KIAA1549: variants seen among roughly 807,000 people sequenced by gnomAD.
KIAA1549 encodes the protein KIAA1549, also known as UPF0606 protein KIAA1549.
A neutral mutation model predicts 156.4 loss-of-function variants in KIAA1549; 70 were observed. The ratio of observed to expected loss-of-function variants is 0.45; its 90% CI spans 0.37 to 0.55. KIAA1549 has a LOEUF of 0.55. Ranked by LOEUF, KIAA1549 falls within the 20% of genes least tolerant of loss-of-function variation. The pLI is 0.00. For synonymous variants in KIAA1549, 1,103 were observed against 1,066.4 expected, an observed-to-expected ratio of 1.03 and a Z score of -0.67; for missense variants, 2,428 against 2,540.9, an observed-to-expected ratio of 0.96 and a Z score of 0.96.
chr7:138,919,254 G>A lies in KIAA1549; in HGVS notation c.372C>T (p.Asn124=). The A allele has an allele frequency of 6.2e-7, 1 of 1,613,982 alleles. No homozygotes were observed. Residue 124 remains asparagine (N), a synonymous_variant, in exon 2 of 20, where the codon AAC becomes AAT. Transcript: ENST00000422774. The stretch of plus-strand genomic sequence containing the variant: ...CTGTACTTTTGGTCTGTTTTCCTTG[G>A]TTAAAAAAGGCTGTATCAAAAGTAG... ...SATTFDTAFF[N]QGKQTKSTAD...
chr7:138,847,746 T>C (rs1408420547), intron 17 of KIAA1549, among the ~76,000 whole-genome samples: 2 of 152,234 alleles, frequency 1.3e-5, no homozygotes, highest in African/African-American at 2.4e-5. Flanking sequence ...AGATAAATTT[T>C]AGAATCCATC....
In KIAA1549 at chr7:138,925,829, CAAAAAAAA is replaced by C. The variant is rs59066216; in HGVS notation, c.188-6399_188-6392del. On this transcript the variant is annotated intron_variant, in intron 1 of 19. Transcript: ENST00000422774. Reference sequence around the variant, plus strand: ...TGGGCAACAGAGCCAGATCCTGTCTCAAAAAAAAAAAAAAAAAAAAAAAAAAAAAAAGA... The same window carrying C: ...TGGGCAACAGAGCCAGATCCTGTCTCAAAAAAAAAAAAAAAAAAAAAAAGA... 2.0e-3 allele frequency among the ~76,000 whole-genome samples: 90 copies of C among 44,614 alleles called. 1 individual carries two copies. Among genetic ancestry groups the C allele is most frequent in the Admixed American group, 4.6e-3 (14 of 3,058 alleles). 29.3% of individuals were successfully genotyped at this position (44,614 alleles called of 152,430 possible). A position where few individuals can be genotyped will look rare whatever the true frequency, so the allele number is the denominator to read the frequency against.
Position 138,833,151 on chromosome 7 carries a change from G to A in KIAA1549, c.*4755C>T. 4.3e-6 allele frequency: 1 copy of A among 232,502 alleles called. No homozygotes were observed. Among genetic ancestry groups the A allele is most frequent in the East Asian group, 6.1e-5 (1 of 16,484 alleles). 14.4% of individuals were successfully genotyped at this position (232,502 alleles called of 1,614,324 possible). ...GGCACCTTGCTCCGGAGGTAGAAATGACCACGGTGAAAACTCCACTTGAGC... is the reference window on the plus strand; with the variant it reads ...GGCACCTTGCTCCGGAGGTAGAAATAACCACGGTGAAAACTCCACTTGAGC... On this transcript the variant is annotated 3_prime_UTR_variant, in exon 20 of 20. Coordinates refer to ENST00000422774, the MANE Select transcript of KIAA1549 (RefSeq NM_001164665.2).
chr7:138,972,959 T>C (rs1814263163), intron 1 of KIAA1549, among the ~76,000 whole-genome samples: 1 of 152,070 alleles, frequency 6.6e-6, no homozygotes, highest in African/African-American at 2.4e-5. Context: ...ATAGCTAGGA[T>C]TGCAGGCACC....
intron 1 of KIAA1549, among the ~76,000 whole-genome samples, chr7:138,972,196 T>C (rs1054074742): frequency 6.6e-6 from 1 of 152,084 alleles, no homozygotes; most frequent in African/African-American, 2.4e-5. Flanking sequence ...TCTTCCTCTC[T>C]CCAGGCAAGT....
At chr7:138,838,380 G>A (rs1056999456) in intron 19 of KIAA1549, among the ~76,000 whole-genome samples, 2 of 152,164 alleles carry the variant, frequency 1.3e-5, no homozygotes, top group Non-Finnish European at 2.9e-5. Flanking sequence ...TGATGTGAAA[G>A]GTCGGGTGAT....
chr7:138,839,411 G>T (rs1809841804), intron 19 of KIAA1549, among the ~76,000 whole-genome samples: 1 of 152,146 alleles, frequency 6.6e-6, no homozygotes, highest in African/African-American at 2.4e-5. Context: ...GTCTCAAAAA[G>T]AAAACCTGTG....
intron 15 of KIAA1549, among the ~76,000 whole-genome samples, chr7:138,862,956 A>G (rs1810631429): frequency 6.6e-6 from 1 of 152,214 alleles, no homozygotes; most frequent in Non-Finnish European, 1.5e-5. Context: ...AAAAACGCAA[A>G]GGTTCAAATT....
rs922951427 is a variant in KIAA1549 at position 138,835,805 on chromosome 7, G to C, written c.*2101C>G. 1 of 221,798 alleles carries C rather than the reference G, an allele frequency of 4.5e-6. No individual in the cohort carries two copies. The highest frequency in any genetic ancestry group is 9.0e-6 in the Non-Finnish European group (1 of 110,956). The allele number at this position is 221,798 out of a possible 1,614,324, so 13.7% of individuals were successfully genotyped here. A position where few individuals can be genotyped will look rare whatever the true frequency, so the allele number is the denominator to read the frequency against. On this transcript the variant is annotated 3_prime_UTR_variant, in exon 20 of 20. Transcript: ENST00000422774. ...AAACCAAGACATCAAGCCCAGAAAG[G>C]GGCATTCTCTCCAATGCTCCTTGGA...
At chr7:138,896,538 A>C (rs1172231371) in intron 9 of KIAA1549, among the ~76,000 whole-genome samples, 1 of 152,028 alleles carries the variant, frequency 6.6e-6, no homozygotes, top group Non-Finnish European at 1.5e-5. Flanking sequence ...GGACAGAATC[A>C]AACTGAGAAG....
At chr7:138,872,117 T>G (rs112056022) in intron 12 of KIAA1549, among the ~76,000 whole-genome samples, 5 of 152,198 alleles carry the variant, frequency 3.3e-5, no homozygotes, top group Non-Finnish European at 7.3e-5. Flanking sequence ...ACTTTTGTAT[T>G]AATACTTTTA....
Position 138,917,489 on chromosome 7 carries a change from G to T in KIAA1549, c.2137C>A (p.Arg713Ser), listed in dbSNP as rs766782097. 1 of 1,613,554 alleles carries T rather than the reference G, an allele frequency of 6.2e-7. No individual in the cohort carries two copies. Among genetic ancestry groups the T allele is most frequent in the Non-Finnish European group, 8.5e-7 (1 of 1,179,828 alleles). The change falls in exon 2 of 20, where the codon CGT (arginine) becomes AGT (serine). Residue 713 changes from arginine (R) to serine (S), a missense_variant. Arg to Ser is a moderately radical substitution (Grantham distance 110). Coordinates refer to ENST00000422774, the MANE Select transcript of KIAA1549 (RefSeq NM_001164665.2). ...CTTGACCATGGTGACACCTCAGAAC[G>T]GCTAGGTAGCAACATGATGGTGTTT... ...PLNTIMLLPS[R>S]SEVSPWSSFP...
At chr7:138,977,723 G>A (rs1252270712) in intron 1 of KIAA1549, among the ~76,000 whole-genome samples, 3 of 149,444 alleles carry the variant, frequency 2.0e-5, no homozygotes, top group Non-Finnish European at 4.4e-5. Flanking sequence ...TTTTTGAGAC[G>A]GAGTCTTGCT....
intron 12 of KIAA1549, among the ~76,000 whole-genome samples, chr7:138,876,206 TCTA>T (rs1811081099): frequency 6.6e-6 from 1 of 152,226 alleles, no homozygotes; most frequent in Non-Finnish European, 1.5e-5. Flanking sequence ...TGAAAAGGTC[TCTA>T]GGAATCTGCC....
intron 12 of KIAA1549, among the ~76,000 whole-genome samples, chr7:138,879,105 G>A (rs1811170532): frequency 6.6e-6 from 1 of 152,212 alleles, no homozygotes; most frequent in South Asian, 2.1e-4. Flanking sequence ...CCACCTGGTG[G>A]AAGAAAGATC....
chr7:138,876,425 T>C (rs1478834938), intron 12 of KIAA1549: 1 of 152,256 alleles, frequency 6.6e-6, no homozygotes, highest in African/African-American at 2.4e-5. Context: ...ATCTTCTTTG[T>C]TGCCTTTCAA....
intron 1 of KIAA1549, among the ~76,000 whole-genome samples, chr7:138,972,703 C>A (rs1479261988): frequency 1.3e-5 from 2 of 152,192 alleles, no homozygotes; most frequent in Non-Finnish European, 2.9e-5. Context: ...CCCAACATTA[C>A]TTCTTCCTAA....
Position 138,833,708 on chromosome 7 carries a change from C to G in KIAA1549, c.*4198G>C, listed in dbSNP as rs961818961. 4.3e-6 allele frequency: 1 copy of G among 232,936 alleles called. No individual in the cohort carries two copies. Among genetic ancestry groups the G allele is most frequent in the Non-Finnish European group, 8.5e-6 (1 of 117,936 alleles). The allele number at this position is 232,936 out of a possible 1,614,324, so 14.4% of individuals were successfully genotyped here. A position where few individuals can be genotyped will look rare whatever the true frequency, so the allele number is the denominator to read the frequency against. On this transcript the variant is annotated 3_prime_UTR_variant, in exon 20 of 20. Coordinates refer to ENST00000422774, the MANE Select transcript of KIAA1549 (RefSeq NM_001164665.2). ...AGACAGATAGATAACCCACTATGCT[C>G]CACAAAGGATATGGCGTGGCCAAAC...
At chr7:138,948,198 A>G (rs1813389252) in intron 1 of KIAA1549, among the ~76,000 whole-genome samples, 1 of 152,222 alleles carries the variant, frequency 6.6e-6, no homozygotes, top group Non-Finnish European at 1.5e-5. Flanking sequence ...ACTAGGGGCA[A>G]TCAAGGTAAA....
Sources: gnomAD v4.1 joint callset for allele counts (sites outside exome capture counted in the v4.1 genomes callset) on GRCh38, gnomAD v4.1.1 for gene constraint, MANE v1.5 for transcripts, NCBI Gene and HGNC (gene_info 2026-07-23, HGNC 2026-07-21) for gene names.